The following KLF12 variants were observed in gnomAD, a reference collection of about 807,000 sequenced individuals.
KLF12 encodes KLF transcription factor 12.
A neutral mutation model predicts 37.8 loss-of-function variants in KLF12; 9 were observed. That is an observed-to-expected ratio of 0.24 (90% CI 0.14 to 0.42). The LOEUF (loss-of-function observed/expected upper bound fraction) is 0.42, where lower values mean the gene tolerates loss of function less well. Ranked by LOEUF, KLF12 falls within the 10% of genes least tolerant of loss-of-function variation. KLF12 has a pLI of 1.00. For missense variants in KLF12, 411 were observed against 516.0 expected, an observed-to-expected ratio of 0.80 and a Z score of 1.97; for synonymous variants, 208 against 202.1, an observed-to-expected ratio of 1.03 and a Z score of -0.25.
chr13:73,749,840 GA>G (rs1878625169), intron 6 of KLF12, among the ~76,000 whole-genome samples: 1 of 152,264 alleles, frequency 6.6e-6, no homozygotes, highest in East Asian at 1.9e-4. Flanking sequence ...ATATTTAAAA[GA>G]AAAGTGAACA....
chr13:73,849,375 T>TAAAAAA (rs574332239), intron 3 of KLF12, among the ~76,000 whole-genome samples: 6 of 98,964 alleles, frequency 6.1e-5, no homozygotes, highest in African/African-American at 2.4e-4. Flanking sequence ...GGAGACTCCA[T>TAAAAAA]AAAAAAAAAA....
the KLF12 span, among the ~76,000 whole-genome samples, chr13:74,288,142 T>G: frequency 2.6e-5 from 4 of 152,078 alleles, no homozygotes; most frequent in South Asian, 2.1e-4. Context: ...AGGGTCACAG[T>G]AATTTGTGGG....
chr13:74,100,085 C>T lies in KLF12; in HGVS notation c.-32+33654G>A, dbSNP rs140276158. ...AGCATGGAGGCACGCTGGCAGCTGGCAGCTGGAGACCACGGACAGAGGGGT... is the reference window on the plus strand; with the variant it reads ...AGCATGGAGGCACGCTGGCAGCTGGTAGCTGGAGACCACGGACAGAGGGGT... On this transcript the variant is annotated intron_variant, in intron 1 of 7. Transcript: ENST00000377669. Among the ~76,000 whole-genome samples the T allele has an allele frequency of 3.1e-3, 475 of 152,110 alleles. 2 individuals are homozygous for T. The highest frequency in any genetic ancestry group is 5.2e-3 in the Non-Finnish European group (356 of 67,982).
At chr13:74,041,631 G>A (rs747922358) in intron 1 of KLF12, among the ~76,000 whole-genome samples, 10 of 151,040 alleles carry the variant, frequency 6.6e-5, no homozygotes, top group Non-Finnish European at 1.5e-4. Context: ...ACGGCTCAGC[G>A]TAATGAAAGA....
At chr13:73,989,661 C>T (rs184452373) in intron 2 of KLF12, among the ~76,000 whole-genome samples, 80 of 152,260 alleles carry the variant, frequency 5.3e-4, no homozygotes, top group Admixed American at 3.3e-3. Context: ...CACTCACTAG[C>T]TCATACCCAA....
the KLF12 span, among the ~76,000 whole-genome samples, chr13:74,216,731 A>G: frequency 1.3e-5 from 2 of 152,208 alleles, no homozygotes; most frequent in East Asian, 3.9e-4. Context: ...GCTTAAATCA[A>G]CTAGGACTGT....
intron 6 of KLF12, among the ~76,000 whole-genome samples, chr13:73,726,921 T>C (rs905833650): frequency 1.3e-5 from 2 of 152,224 alleles, no homozygotes; most frequent in Non-Finnish European, 2.9e-5. Context: ...GTGAGAAAGA[T>C]CCAATTTTTC....
chr13:74,170,388 T>C, the KLF12 span, among the ~76,000 whole-genome samples: 1 of 150,216 alleles, frequency 6.7e-6, no homozygotes, highest in Admixed American at 6.6e-5. Flanking sequence ...TTAACAATCT[T>C]GGGAATTGGG....
At chr13:74,245,410 A>G in the KLF12 span, among the ~76,000 whole-genome samples, 1 of 152,288 alleles carries the variant, frequency 6.6e-6, no homozygotes, top group South Asian at 2.1e-4. Flanking sequence ...TGAAATTGCT[A>G]GGAAAGTAAT....
intron 1 of KLF12, among the ~76,000 whole-genome samples, chr13:74,131,206 C>T (rs2139029133): frequency 6.6e-6 from 1 of 152,298 alleles, no homozygotes; most frequent in African/African-American, 2.4e-5. Context: ...ACTGTAACAT[C>T]TAAAACTCAC....
rs1198637157 is a variant in KLF12, at chr13:74,029,299, GTTTT to G, written c.-31-34250_-31-34247del. On this transcript the variant is annotated intron_variant, in intron 1 of 7. Transcript: ENST00000377669. ...GTTCTAGATCTGCTTTTCCTCAGTT[GTTTT>G]TTTATCTGTTGTTGAAATGCAGGAT... is the stretch of plus-strand genomic sequence containing the variant. Among the ~76,000 whole-genome samples, 3 of 152,062 alleles carry G rather than the reference GTTTT, an allele frequency of 2.0e-5. No homozygotes were observed. In the East Asian group the frequency reaches 5.8e-4, roughly 29 times the overall value.
the KLF12 span, among the ~76,000 whole-genome samples, chr13:74,299,729 G>A: frequency 6.6e-6 from 1 of 152,108 alleles, no homozygotes; most frequent in Non-Finnish European, 1.5e-5. Flanking sequence ...TTAAAGCAGA[G>A]GAAGCAGAAC....
At chr13:74,300,128 A>G in the KLF12 span, among the ~76,000 whole-genome samples, 2 of 152,158 alleles carry the variant, frequency 1.3e-5, no homozygotes, top group African/African-American at 4.8e-5. Flanking sequence ...AGATAATTGA[A>G]TAGAGGAACT....
At chr13:73,745,996 AG>A (rs1878334930) in intron 6 of KLF12, among the ~76,000 whole-genome samples, 1 of 152,050 alleles carries the variant, frequency 6.6e-6, no homozygotes, top group African/African-American at 2.4e-5. Context: ...GGACCCAGAG[AG>A]AAATCAGCAT....
chr13:74,284,761 G>A, the KLF12 span, among the ~76,000 whole-genome samples: 1 of 152,108 alleles, frequency 6.6e-6, no homozygotes, highest in Non-Finnish European at 1.5e-5. Flanking sequence ...CATGCGAGAG[G>A]GATTTCTGTG....
chr13:74,176,503 A>G, the KLF12 span, among the ~76,000 whole-genome samples: 1 of 152,042 alleles, frequency 6.6e-6, no homozygotes, highest in Admixed American at 6.5e-5. Context: ...CTCCATACCC[A>G]TGATCGTTCA....
the KLF12 span, among the ~76,000 whole-genome samples, chr13:74,256,379 T>C: frequency 0.011 from 1,624 of 152,330 alleles, 34 homozygotes; most frequent in African/African-American, 0.035. Context: ...CTTGTTCTTG[T>C]ACATTTCAAA....
At chr13:74,191,006 G>A in the KLF12 span, among the ~76,000 whole-genome samples, 1 of 152,194 alleles carries the variant, frequency 6.6e-6, no homozygotes, top group Non-Finnish European at 1.5e-5. Flanking sequence ...GAAGCATAGG[G>A]CACTGCTACA....
At chr13:74,086,576 A>T (rs1875317738) in intron 1 of KLF12, among the ~76,000 whole-genome samples, 1 of 152,096 alleles carries the variant, frequency 6.6e-6, no homozygotes, top group Non-Finnish European at 1.5e-5. Flanking sequence ...GGAGTTGATG[A>T]TCACTTGCTA....
Sources: gnomAD v4.1 joint callset for allele counts (sites outside exome capture counted in the v4.1 genomes callset) on GRCh38, gnomAD v4.1.1 for gene constraint, MANE v1.5 for transcripts, NCBI Gene and HGNC (gene_info 2026-07-23, HGNC 2026-07-21) for gene names.